The following USP25 variants were observed in gnomAD, a reference collection of about 807,000 sequenced individuals.
The protein encoded by USP25 is ubiquitin specific peptidase 25.
In USP25, 85 loss-of-function variants were observed where a neutral mutation model predicts 158.5. The observed-to-expected ratio is 0.54, with a 90% CI of 0.45 to 0.64. USP25 has a LOEUF of 0.64. Among genes scored for constraint, USP25 ranks in the 30% least tolerant of loss-of-function variants. The pLI is 0.00. For synonymous variants in USP25, 464 were observed against 460.4 expected (o/e 1.01, Z -0.10); for missense variants, 1,242 against 1,327.3 (o/e 0.94, Z 1.00).
chr21:15,805,057 A>T, intron 6 of USP25, 64 bp from the exon 7 acceptor site: 2 of 1,463,700 alleles, frequency 1.4e-6, no homozygotes, highest in Non-Finnish European at 1.8e-6. Context: ...ATGAATATTT[A>T]TTAGTAAAAA....
intron 10 of USP25, among the ~76,000 whole-genome samples, chr21:15,820,035 A>G (rs2037153581): frequency 6.6e-6 from 1 of 152,068 alleles, no homozygotes; most frequent in African/African-American, 2.4e-5. Flanking sequence ...TGGTATATGG[A>G]CACAAGAGCT....
intron 1 of USP25, among the ~76,000 whole-genome samples, chr21:15,743,164 C>T (rs1408101001): frequency 6.6e-6 from 1 of 152,154 alleles, no homozygotes; most frequent in Non-Finnish European, 1.5e-5. Flanking sequence ...TATTATGGTT[C>T]TAGTTCGAGG....
In USP25 at chr21:15,874,589, C is replaced by T. The variant is rs2040025547; in HGVS notation, c.3009+63C>T. ...TCTGACATTGGGCAAGTTTTCCAGA[C>T]TCATATATAAGTGATTGACTCCATA... is the stretch of plus-strand genomic sequence containing the variant. On this transcript the variant is annotated intron_variant, in intron 24 of 25. Transcript: ENST00000400183. 8.1e-6 allele frequency: 12 copies of T among 1,489,512 alleles called. No homozygotes were observed. In the East Asian group the frequency reaches 2.1e-4, roughly 26 times the overall value. The allele number at this position is 1,489,512 out of a possible 1,614,324, so 92.3% of individuals were successfully genotyped here. A position where few individuals can be genotyped will look rare whatever the true frequency, so the allele number is the denominator to read the frequency against.
chr21:15,821,041 T>C (rs1350438034), intron 10 of USP25, among the ~76,000 whole-genome samples: 1 of 151,996 alleles, frequency 6.6e-6, no homozygotes, highest in Non-Finnish European at 1.5e-5. Context: ...TGAGTCAGAC[T>C]CTCCAGGAAA....
At chr21:15,873,094 T>G (rs2039960928) in intron 23 of USP25, among the ~76,000 whole-genome samples, 1 of 152,028 alleles carries the variant, frequency 6.6e-6, no homozygotes, top group South Asian at 2.1e-4. Context: ...ATTAAATATT[T>G]TTTTCTTCCA....
At chr21:15,794,082 A>G (rs991087076) in intron 5 of USP25, among the ~76,000 whole-genome samples, 1 of 151,582 alleles carries the variant, frequency 6.6e-6, no homozygotes. Context: ...TTTCTCGGGG[A>G]TGGAATTTAC....
intron 24 of USP25, 142 bp downstream of exon 24, chr21:15,874,668 C>T (rs971239245): frequency 2.8e-6 from 2 of 716,846 alleles, no homozygotes; most frequent in African/African-American, 1.8e-5. Flanking sequence ...CTAGTCCCTT[C>T]AGATGGAAAA....
chr21:15,754,068 TA>T lies in USP25; in HGVS notation c.46-8818del, dbSNP rs368671739. ...TACTTTTTCTAATGTAGATTTCCTT[TA>T]AAAATGGATTTTTTTTCACAAAAGG... On this transcript the variant is annotated intron_variant, in intron 1 of 25. Coordinates refer to ENST00000400183, the MANE Select transcript of USP25 (RefSeq NM_001283041.3). Among the ~76,000 whole-genome samples the T allele has an allele frequency of 3.1e-4, 47 of 152,298 alleles. No homozygotes were observed. In the South Asian group the frequency reaches 9.5e-3, roughly 31 times the overall value.
At chr21:15,773,259 C>G (rs1215175293) in intron 3 of USP25, 1 of 152,266 alleles carries the variant, frequency 6.6e-6, no homozygotes, top group Non-Finnish European at 1.5e-5. Flanking sequence ...CCACAAGCAG[C>G]TTTATTCTTT....
At position 15,816,655 on chromosome 21, in the gene USP25, C is replaced by A. The variant is rs1015689785; in HGVS notation, c.932-2043C>A. ...GGCATCTCATTCAGTGCCTTAATTT[C>A]CTGCTGTCAATAAGCCAGCAATTCT... is the stretch of plus-strand genomic sequence containing the variant. On this transcript the variant is annotated intron_variant, in intron 9 of 25. Coordinates refer to ENST00000400183, the MANE Select transcript of USP25 (RefSeq NM_001283041.3). The surrounding 1 kb of genome is among the most constrained non-coding windows in gnomAD (Gnocchi z 4.0). Among the ~76,000 whole-genome samples, 1 of 152,136 alleles carries A rather than the reference C, an allele frequency of 6.6e-6. No homozygotes were observed. Among genetic ancestry groups the A allele is most frequent in the Non-Finnish European group, 1.5e-5 (1 of 68,028 alleles).
At position 15,874,834 on chromosome 21, in the gene USP25, A is replaced by G. The variant is rs2040037080; in HGVS notation, c.3009+308A>G. Among the ~76,000 whole-genome samples the G allele has an allele frequency of 2.6e-5, 4 of 152,158 alleles. No individual in the cohort carries two copies. The South Asian group carries it at 6.2e-4, about 24-fold the overall frequency. ...CCTTTTTTTGGTGGGAGAGGAAGGG[A>G]TGCATAGATAAGCCTTAAAAAATGT... On this transcript the variant is annotated intron_variant, in intron 24 of 25. Coordinates refer to ENST00000400183, the MANE Select transcript of USP25 (RefSeq NM_001283041.3).
intron 1 of USP25, among the ~76,000 whole-genome samples, chr21:15,740,641 G>GTTTTTTTTTTTTTTTTTTTTTT (rs60616271): frequency 2.4e-5 from 1 of 41,242 alleles, no homozygotes; most frequent in Non-Finnish European, 7.4e-5. Flanking sequence ...CTTTCTGGCT[G>GTTTTTTTTTTTTTTTTTTTTTT]TTTTTTTTTT....
chr21:15,864,031 CTTT>C (rs369749565), intron 20 of USP25, among the ~76,000 whole-genome samples: 30 of 85,628 alleles, frequency 3.5e-4, no homozygotes, highest in Admixed American at 2.2e-3. Flanking sequence ...TGGGAGACTT[CTTT>C]TTTTTTTTTT....
chr21:15,869,965 A>C (rs996961763), intron 22 of USP25, 103 bp from the exon 23 acceptor site: 3 of 790,826 alleles, frequency 3.8e-6, no homozygotes, highest in Non-Finnish European at 5.8e-6. Flanking sequence ...CTTTATTTCT[A>C]TTAATTCAGA....
chr21:15,870,059 C>A lies in USP25; in HGVS notation c.2806-9C>A, dbSNP rs2039820464. On this transcript the variant is annotated splice_polypyrimidine_tract_variant and intron_variant, in intron 22 of 25. Coordinates refer to ENST00000400183, the MANE Select transcript of USP25 (RefSeq NM_001283041.3). ...TCTGAACATTTTTAATATTTTCTTTCACCTACAGGAGTGGCATCAGGATTA... is the reference window on the plus strand; with the variant it reads ...TCTGAACATTTTTAATATTTTCTTTAACCTACAGGAGTGGCATCAGGATTA... 4 of 1,580,508 alleles carry A rather than the reference C, an allele frequency of 2.5e-6. No homozygotes were observed. Among genetic ancestry groups the A allele is most frequent in the Non-Finnish European group, 3.4e-6 (4 of 1,162,318 alleles).
At chr21:15,807,711 A>G (rs576307763) in intron 7 of USP25, among the ~76,000 whole-genome samples, 34 of 152,274 alleles carry the variant, frequency 2.2e-4, no homozygotes, top group African/African-American at 7.7e-4. Context: ...TTACAAGAAC[A>G]CTCACCATTG....
chr21:15,809,715 C>T (rs1051919376), intron 8 of USP25, among the ~76,000 whole-genome samples: 25 of 152,244 alleles, frequency 1.6e-4, no homozygotes, highest in African/African-American at 5.5e-4. Flanking sequence ...TTCATAGCAA[C>T]GTTATTCACA....
At chr21:15,820,296 C>T (rs571507475) in intron 10 of USP25, among the ~76,000 whole-genome samples, 3 of 152,010 alleles carry the variant, frequency 2.0e-5, no homozygotes, top group Non-Finnish European at 4.4e-5. Context: ...TAATCTTTCT[C>T]ACATATTCCC....
intron 7 of USP25, among the ~76,000 whole-genome samples, chr21:15,808,027 C>T (rs2036478943): frequency 6.6e-6 from 1 of 152,062 alleles, no homozygotes; most frequent in African/African-American, 2.4e-5. Context: ...AAACTGCTGG[C>T]TGAAAAAATA....
Sources: allele counts gnomAD v4.1 joint callset (sites outside exome capture counted in the v4.1 genomes callset), GRCh38; gene constraint gnomAD v4.1.1; non-coding constraint Gnocchi (gnomAD v3.1); transcripts MANE v1.5; gene names NCBI Gene and HGNC (gene_info 2026-07-23, HGNC 2026-07-21).